Variants in SEMA6D observed in about 807,000 individuals in gnomAD.
SEMA6D encodes the protein semaphorin 6D, also known as semaphorin-6D.
SEMA6D carries 35 observed loss-of-function variants against 106.6 expected under a neutral mutation model. The ratio of observed to expected loss-of-function variants is 0.33; its 90% CI spans 0.25 to 0.44. The LOEUF is 0.44. Ranked by LOEUF, SEMA6D falls within the 20% of genes least tolerant of loss-of-function variation. The pLI is 1.00. For missense variants in SEMA6D, 1,185 were observed against 1,345.9 expected, an observed-to-expected ratio of 0.88 and a Z score of 1.87; for synonymous variants, 499 against 487.7, an observed-to-expected ratio of 1.02 and a Z score of -0.31.
intron 1 of SEMA6D, among the ~76,000 whole-genome samples, chr15:47,292,182 CT>C (rs1595659060): frequency 6.6e-6 from 1 of 152,284 alleles, no homozygotes; most frequent in East Asian, 1.9e-4. Context: ...CCACCATGAA[CT>C]TTGAAAGACC....
At chr15:47,244,630 C>T (rs898612714) in intron 1 of SEMA6D, among the ~76,000 whole-genome samples, 1 of 152,262 alleles carries the variant, frequency 6.6e-6, no homozygotes, top group African/African-American at 2.4e-5. Flanking sequence ...AGGGACCTGA[C>T]TCTGTCATCC....
At chr15:47,414,739 TC>T (rs1378319891) in intron 2 of SEMA6D, among the ~76,000 whole-genome samples, 3 of 152,182 alleles carry the variant, frequency 2.0e-5, no homozygotes, top group Non-Finnish European at 4.4e-5. Flanking sequence ...CTTTTCCACT[TC>T]TGCATATGAG....
intron 4 of SEMA6D, among the ~76,000 whole-genome samples, chr15:47,667,256 A>T (rs2078046579): frequency 6.6e-6 from 1 of 152,224 alleles, no homozygotes; most frequent in South Asian, 2.1e-4. Flanking sequence ...AACCATCACC[A>T]TCATCAACAA....
At chr15:47,372,931 A>T (rs1409954976) in intron 1 of SEMA6D, among the ~76,000 whole-genome samples, 2 of 152,224 alleles carry the variant, frequency 1.3e-5, no homozygotes, top group Non-Finnish European at 2.9e-5. Flanking sequence ...ACATAACTTT[A>T]ATTCCTAACT....
At chr15:47,245,386 C>A (rs1276485943) in intron 1 of SEMA6D, among the ~76,000 whole-genome samples, 13 of 152,152 alleles carry the variant, frequency 8.5e-5, no homozygotes. Flanking sequence ...ACTTTACTGT[C>A]CTCAGTTATG....
chr15:47,344,504 A>G (rs934207830), intron 1 of SEMA6D, among the ~76,000 whole-genome samples: 17 of 152,280 alleles, frequency 1.1e-4, no homozygotes, highest in Non-Finnish European at 1.6e-4. Context: ...CCAGGCCACT[A>G]TGCAGGGAGG....
chr15:47,755,204 C>T (rs910435107), intron 1 of SEMA6D, among the ~76,000 whole-genome samples: 7 of 152,088 alleles, frequency 4.6e-5, no homozygotes, highest in African/African-American at 1.4e-4. Flanking sequence ...CCCGCCTCGG[C>T]CTCCCAAAGT....
intron 2 of SEMA6D, among the ~76,000 whole-genome samples, chr15:47,459,582 G>A (rs751356457): frequency 6.6e-6 from 1 of 151,976 alleles, no homozygotes; most frequent in South Asian, 2.1e-4. Context: ...ATGAAGGGAA[G>A]TAACAGTGGA....
chr15:47,563,893 T>C (rs536328964), intron 3 of SEMA6D, among the ~76,000 whole-genome samples: 2 of 152,282 alleles, frequency 1.3e-5, no homozygotes, highest in South Asian at 4.1e-4. Context: ...TGGCAAAAAA[T>C]AAGTAACTGC....
intron 1 of SEMA6D, among the ~76,000 whole-genome samples, chr15:47,250,374 GAGAGAAAGAGAAAA>G (rs1306123968): frequency 6.6e-6 from 1 of 151,588 alleles, no homozygotes; most frequent in Non-Finnish European, 1.5e-5. Context: ...GAGGGAGGGA[GAGAGAAAGAGAAAA>G]AGAGAAAGAG....
At chr15:47,346,433 A>C (rs1210874942) in intron 1 of SEMA6D, among the ~76,000 whole-genome samples, 4 of 152,032 alleles carry the variant, frequency 2.6e-5, no homozygotes, top group African/African-American at 9.7e-5. Context: ...AAGAAGCTTA[A>C]ATTTAATCCC....
chr15:47,574,649 A>G (rs2076124998), intron 3 of SEMA6D, among the ~76,000 whole-genome samples: 1 of 152,196 alleles, frequency 6.6e-6, no homozygotes, highest in East Asian at 1.9e-4. Flanking sequence ...ATTCCTATGC[A>G]GAGACATAAA....
chr15:47,184,388 G>C (rs893240837), exon 1 of SEMA6D: 1 of 152,458 alleles, frequency 6.6e-6, no homozygotes, highest in Non-Finnish European at 1.5e-5. Flanking sequence ...CGAGTCCGAA[G>C]CGGGAGTCAG....
chr15:47,444,665 T>C (rs1237809241), intron 2 of SEMA6D, among the ~76,000 whole-genome samples: 1 of 152,152 alleles, frequency 6.6e-6, no homozygotes, highest in African/African-American at 2.4e-5. Flanking sequence ...TTCATCTTTT[T>C]GGTCACCATG....
intron 3 of SEMA6D, among the ~76,000 whole-genome samples, chr15:47,589,790 G>C (rs1357613642): frequency 6.6e-6 from 1 of 152,234 alleles, no homozygotes; most frequent in Non-Finnish European, 1.5e-5. Flanking sequence ...AGCATCAGTA[G>C]AGTGTGTTGG....
At position 47,395,099 on chromosome 15, in the gene SEMA6D, T is replaced by G. The variant is rs113296873; in HGVS notation, c.-238-17294T>G. ...CCCAAATACATAAAGGTATATCTGA[T>G]CTATAAGATTGCATACACAATAGGT... On this transcript the variant is annotated intron_variant, in intron 1 of 19. Coordinates refer to the SEMA6D transcript ENST00000558014. 9.2e-3 allele frequency among the ~76,000 whole-genome samples: 1,394 copies of G among 152,230 alleles called. 31 individuals carry two copies. Among genetic ancestry groups the G allele is most frequent in the African/African-American group, 0.031 (1,290 of 41,542 alleles).
chr15:47,184,593 G>C (rs905931841), intron 1 of SEMA6D, among the ~76,000 whole-genome samples: 1 of 152,156 alleles, frequency 6.6e-6, no homozygotes, highest in African/African-American at 2.4e-5. Context: ...CGACCGCGAG[G>C]CCCGCCGCCC....
intron 1 of SEMA6D, among the ~76,000 whole-genome samples, chr15:47,277,346 A>T (rs988490474): frequency 1.3e-5 from 2 of 152,054 alleles, no homozygotes; most frequent in African/African-American, 4.8e-5. Flanking sequence ...GCTACATAGA[A>T]ATCTTTCATG....
At chr15:47,248,311 C>T (rs2033313488) in intron 1 of SEMA6D, among the ~76,000 whole-genome samples, 1 of 152,278 alleles carries the variant, frequency 6.6e-6, no homozygotes, top group Non-Finnish European at 1.5e-5. Flanking sequence ...AGCATTGTAT[C>T]TCATTATCAG....
Sources: allele counts gnomAD v4.1 joint callset (sites outside exome capture counted in the v4.1 genomes callset), GRCh38; gene constraint gnomAD v4.1.1; transcripts MANE v1.5; gene names NCBI Gene and HGNC (gene_info 2026-07-23, HGNC 2026-07-21).